Variants in ADAM22 observed in about 807,000 individuals in gnomAD.
ADAM22 encodes disintegrin and metalloproteinase domain-containing protein 22.
In ADAM22, 65 loss-of-function variants were observed where a neutral mutation model predicts 144.6. The ratio of observed to expected loss-of-function variants is 0.45; its 90% CI spans 0.37 to 0.55. The LOEUF (loss-of-function observed/expected upper bound fraction) is 0.55. Among genes scored for constraint, ADAM22 ranks in the 20% least tolerant of loss-of-function variants. ADAM22 has a pLI of 0.00. For synonymous variants in ADAM22, 391 were observed against 412.6 expected (o/e 0.95, Z 0.63); for missense variants, 974 against 1,184.9 (o/e 0.82, Z 2.61).
chr7:88,105,353 G>C (rs1041399058), intron 4 of ADAM22, among the ~76,000 whole-genome samples: 1 of 152,184 alleles, frequency 6.6e-6, no homozygotes, highest in Non-Finnish European at 1.5e-5. Flanking sequence ...TATAGACAGA[G>C]TTCTGTCTTT....
rs138843560 is a variant in ADAM22 at position 88,166,054 on chromosome 7, C to T, written c.2191+108C>T. On this transcript the variant is annotated intron_variant, in intron 24 of 31. Coordinates refer to ENST00000413139, the MANE Select transcript of ADAM22 (RefSeq NM_001324418.2). ...TTTATGATAATCAGAAATACATTCT[C>T]ATAATAATGAATTATACAACTGGGG... The T allele has an allele frequency of 3.2e-4, 224 of 692,302 alleles. 5 individuals are homozygous for T. In the East Asian group the frequency reaches 3.9e-3, roughly 12 times the overall value. The allele number at this position is 692,302 out of a possible 1,614,324, so 42.9% of individuals were successfully genotyped here.
rs1463047398 is a variant in ADAM22, at chr7:88,101,137, C to G, written c.391-7039C>G. On this transcript the variant is annotated intron_variant, in intron 4 of 31. Transcript: ENST00000413139. The stretch of plus-strand genomic sequence containing the variant: ...TTTTAAAATACCCAGGTCCCACCCT[C>G]TAGAGATTCTGGCGCAGTTGGTATG... 2.6e-5 allele frequency among the ~76,000 whole-genome samples: 4 copies of G among 151,858 alleles called. No homozygotes were observed. The East Asian group carries it at 5.8e-4, about 22-fold the overall frequency.
intron 3 of ADAM22, among the ~76,000 whole-genome samples, chr7:87,984,415 G>A (rs1309007344): frequency 6.6e-6 from 1 of 152,250 alleles, no homozygotes; most frequent in East Asian, 1.9e-4. Flanking sequence ...AAGCTGACTA[G>A]TCCTGGAAGC....
chr7:88,064,051 A>G (rs1372719900), intron 3 of ADAM22, among the ~76,000 whole-genome samples: 1 of 152,182 alleles, frequency 6.6e-6, no homozygotes, highest in Non-Finnish European at 1.5e-5. Flanking sequence ...AGGTTCTAGG[A>G]TTATGGCTGT....
Position 88,078,740 on chromosome 7 carries a change from G to A in ADAM22, c.390+3048G>A, listed in dbSNP as rs113560487. On this transcript the variant is annotated intron_variant, in intron 4 of 31. Coordinates refer to ENST00000413139, the MANE Select transcript of ADAM22 (RefSeq NM_001324418.2). ...ACCGATGTGATCAACTGGAAGAAAG[G>A]GTATCAGTGATGGAAGATGAAATGA... Among the ~76,000 whole-genome samples, 8 of 152,242 alleles carry A rather than the reference G, an allele frequency of 5.3e-5. 1 individual carries two copies. Among genetic ancestry groups the A allele is most frequent in the African/African-American group, 1.9e-4 (8 of 41,544 alleles).
intron 3 of ADAM22, among the ~76,000 whole-genome samples, chr7:87,980,385 T>G (rs1853068606): frequency 6.9e-6 from 1 of 144,950 alleles, no homozygotes; most frequent in African/African-American, 2.6e-5. Context: ...AATGTTTATC[T>G]TATTTTTAAT....
chr7:88,027,453 A>T (rs113128783), intron 3 of ADAM22, among the ~76,000 whole-genome samples: 7,037 of 152,134 alleles, frequency 0.046, 487 homozygotes, highest in African/African-American at 0.15. Context: ...CTCATGGTTC[A>T]ATCTTGGTAG....
chr7:88,169,515 T>C (rs1291832614), intron 25 of ADAM22, among the ~76,000 whole-genome samples: 1 of 152,084 alleles, frequency 6.6e-6, no homozygotes, highest in Non-Finnish European at 1.5e-5. Context: ...AATTTTGACC[T>C]CACAAGCAAT....
intron 4 of ADAM22, among the ~76,000 whole-genome samples, chr7:88,077,168 G>A (rs1814790359): frequency 6.6e-6 from 1 of 152,006 alleles, no homozygotes; most frequent in African/African-American, 2.4e-5. Flanking sequence ...AGTTTTTTAT[G>A]TACATTTATT....
At chr7:87,937,404 G>A (rs1393439472) in intron 2 of ADAM22, among the ~76,000 whole-genome samples, 2 of 152,130 alleles carry the variant, frequency 1.3e-5, no homozygotes, top group African/African-American at 2.4e-5. Flanking sequence ...GTTGTAGCCA[G>A]TGCTTTAAAA....
At chr7:88,172,992 G>A (rs1182783135) in intron 26 of ADAM22, among the ~76,000 whole-genome samples, 1 of 151,928 alleles carries the variant, frequency 6.6e-6, no homozygotes, top group Non-Finnish European at 1.5e-5. Flanking sequence ...AGGAACTAAG[G>A]CTATAATGTA....
intron 3 of ADAM22, among the ~76,000 whole-genome samples, chr7:88,046,569 G>T (rs919208687): frequency 2.0e-5 from 3 of 151,994 alleles, no homozygotes; most frequent in African/African-American, 7.2e-5. Flanking sequence ...TTGTAGTTTG[G>T]TATTATGCTA....
chr7:88,035,521 G>A (rs994736775), intron 3 of ADAM22, among the ~76,000 whole-genome samples: 10 of 152,262 alleles, frequency 6.6e-5, no homozygotes, highest in Admixed American at 2.0e-4. Context: ...CACATCTGTG[G>A]GTTCCATATT....
At chr7:87,955,119 CCTT>C (rs769212885) in intron 2 of ADAM22, among the ~76,000 whole-genome samples, 5 of 152,190 alleles carry the variant, frequency 3.3e-5, no homozygotes, top group East Asian at 1.9e-4. Context: ...TCATCTGAAG[CCTT>C]CTTCTCTCAA....
At chr7:87,941,308 G>T (rs561570335) in intron 2 of ADAM22, among the ~76,000 whole-genome samples, 1 of 152,194 alleles carries the variant, frequency 6.6e-6, no homozygotes, top group Non-Finnish European at 1.5e-5. Context: ...ATGGCAAGCA[G>T]TAGGTGTGCT....
chr7:88,094,826 G>A (rs922486840), intron 4 of ADAM22, among the ~76,000 whole-genome samples: 3 of 151,988 alleles, frequency 2.0e-5, no homozygotes, highest in Non-Finnish European at 4.4e-5. Context: ...CCATTTTTTG[G>A]TTGTTATTTT....
At chr7:88,137,672 A>G (rs1833343437) in intron 14 of ADAM22, among the ~76,000 whole-genome samples, 1 of 152,114 alleles carries the variant, frequency 6.6e-6, no homozygotes, top group South Asian at 2.1e-4. Context: ...TCCTTTCACA[A>G]ATTAGTTATA....
chr7:88,058,332 G>A (rs1278066402), intron 3 of ADAM22, among the ~76,000 whole-genome samples: 1 of 152,182 alleles, frequency 6.6e-6, no homozygotes, highest in Non-Finnish European at 1.5e-5. Context: ...TGGGAAACCT[G>A]ACAGTCATAG....
Position 88,181,587 on chromosome 7 carries a change from C to T in ADAM22, c.2578C>T (p.Arg860Ter). ...AGACATCTGTGAAAATGGGCGACCT[C>T]GAAGTAACTCTTGGCAAGGTAGAGG... ...ISDICENGRP[R>*]SNSWQGNLGG... Residue 860 changes from arginine to a stop codon, truncating the protein, a stop_gained, in exon 28 of 32, where the codon CGA becomes TGA. Transcript: ENST00000413139. LOFTEE classifies it high-confidence loss of function. 3.1e-6 allele frequency: 5 copies of T among 1,613,642 alleles called. No homozygotes were observed. Among genetic ancestry groups the T allele is most frequent in the Non-Finnish European group, 4.2e-6 (5 of 1,179,682 alleles).
Sources: allele counts gnomAD v4.1 joint callset (sites outside exome capture counted in the v4.1 genomes callset), GRCh38; gene constraint gnomAD v4.1.1; transcripts MANE v1.5; gene names NCBI Gene and HGNC (gene_info 2026-07-23, HGNC 2026-07-21).